RALGAPA2: variants seen among roughly 807,000 people sequenced by gnomAD.
The protein encoded by RALGAPA2 is Ral GTPase activating protein catalytic subunit alpha 2, also known as ral GTPase-activating protein subunit alpha-2.
In RALGAPA2, 139 loss-of-function variants were observed where a neutral mutation model predicts 230.4. That is an observed-to-expected ratio of 0.60 (90% CI 0.53 to 0.69). The LOEUF (loss-of-function observed/expected upper bound fraction) is 0.69, where lower values mean the gene tolerates loss of function less well. RALGAPA2 is among the 30% of genes least tolerant of loss of function. RALGAPA2 has a pLI of 0.00. For synonymous variants in RALGAPA2, 847 were observed against 837.8 expected, an observed-to-expected ratio of 1.01 and a Z score of -0.19; for missense variants, 2,163 against 2,276.0, an observed-to-expected ratio of 0.95 and a Z score of 1.01.
intron 4 of RALGAPA2, among the ~76,000 whole-genome samples, chr20:20,649,364 G>A (rs1359386345): frequency 1.3e-5 from 2 of 152,198 alleles, no homozygotes; most frequent in Non-Finnish European, 2.9e-5. Context: ...ACTGGTCAGA[G>A]GCTATGTTCA....
chr20:20,449,586 C>A (rs1455052395), intron 37 of RALGAPA2, among the ~76,000 whole-genome samples: 1 of 152,184 alleles, frequency 6.6e-6, no homozygotes, highest in Non-Finnish European at 1.5e-5. Flanking sequence ...ATTTTTCAAT[C>A]ATACTTTCCC....
chr20:20,654,572 C>T (rs1299772118), intron 3 of RALGAPA2, among the ~76,000 whole-genome samples: 3 of 152,234 alleles, frequency 2.0e-5, no homozygotes, highest in Non-Finnish European at 4.4e-5. Context: ...CAAATCACAG[C>T]ATTTCCTTTT....
At position 20,389,872 on chromosome 20, in the gene RALGAPA2, A is replaced by C. The variant is rs1161897342; in HGVS notation, c.*3417T>G. ...GACAGCAAAATAAGAATCAAATGACACGCTATAACTTAATTTACCATATTT... is the reference window on the plus strand; with the variant it reads ...GACAGCAAAATAAGAATCAAATGACCCGCTATAACTTAATTTACCATATTT... On this transcript the variant is annotated 3_prime_UTR_variant, in exon 40 of 40. Coordinates refer to ENST00000202677, the MANE Select transcript of RALGAPA2 (RefSeq NM_020343.4). The C allele has an allele frequency of 6.6e-6, 1 of 151,760 alleles. No individual in the cohort carries two copies. Among genetic ancestry groups the C allele is most frequent in the Non-Finnish European group, 1.5e-5 (1 of 67,930 alleles). 9.4% of individuals were successfully genotyped at this position (151,760 alleles called of 1,614,324 possible).
intron 36 of RALGAPA2, among the ~76,000 whole-genome samples, chr20:20,481,504 C>G (rs1051502691): frequency 3.3e-5 from 5 of 152,160 alleles, no homozygotes; most frequent in Non-Finnish European, 7.3e-5. Context: ...ATTCATTCTG[C>G]TAAAAAACTG....
intron 1 of RALGAPA2, among the ~76,000 whole-genome samples, chr20:20,704,992 C>T (rs1172286352): frequency 2.0e-5 from 3 of 152,236 alleles, no homozygotes; most frequent in African/African-American, 4.8e-5. Context: ...CTCCAGGAGG[C>T]TTTGCTGCTG....
intron 23 of RALGAPA2, among the ~76,000 whole-genome samples, chr20:20,561,618 C>T (rs959979077): frequency 2.0e-5 from 3 of 152,186 alleles, no homozygotes; most frequent in African/African-American, 7.2e-5. Context: ...TTTTTGAAAA[C>T]TCATTTAACT....
At chr20:20,459,233 A>G (rs915463967) in intron 37 of RALGAPA2, among the ~76,000 whole-genome samples, 1 of 152,150 alleles carries the variant, frequency 6.6e-6, no homozygotes, top group Admixed American at 6.6e-5. Flanking sequence ...ATATCCTAAT[A>G]AAAGCAAAAC....
chr20:20,589,605 G>A (rs1182682740), intron 17 of RALGAPA2, among the ~76,000 whole-genome samples: 4 of 152,018 alleles, frequency 2.6e-5, no homozygotes, highest in African/African-American at 9.7e-5. Context: ...GTGGCCAACA[G>A]GTTCACTTAG....
intron 1 of RALGAPA2, among the ~76,000 whole-genome samples, chr20:20,710,301 C>T (rs2069799848): frequency 6.6e-6 from 1 of 152,180 alleles, no homozygotes; most frequent in Non-Finnish European, 1.5e-5. Context: ...TCCTAACTTT[C>T]AGTTCAAGAG....
chr20:20,567,358 G>A (rs1232851016), intron 23 of RALGAPA2, among the ~76,000 whole-genome samples: 2 of 152,146 alleles, frequency 1.3e-5, no homozygotes, highest in Admixed American at 1.3e-4. Context: ...TTAAGTGTTA[G>A]GAAAAACTGA....
intron 13 of RALGAPA2, among the ~76,000 whole-genome samples, chr20:20,615,127 G>T (rs6035662): frequency 6.6e-6 from 1 of 151,752 alleles, no homozygotes; most frequent in African/African-American, 2.4e-5. Flanking sequence ...CTGAGCATCA[G>T]TGAAAATACC....
At chr20:20,527,446 T>C (rs2063239919) in intron 27 of RALGAPA2, among the ~76,000 whole-genome samples, 2 of 152,150 alleles carry the variant, frequency 1.3e-5, no homozygotes, top group Admixed American at 6.6e-5. Flanking sequence ...TCAAACACTC[T>C]GGCTTGCTTC....
intron 1 of RALGAPA2, among the ~76,000 whole-genome samples, chr20:20,694,140 C>G (rs2069019279): frequency 6.7e-6 from 1 of 148,474 alleles, no homozygotes; most frequent in African/African-American, 2.5e-5. Flanking sequence ...GATACCGTAA[C>G]TTTAAAAAAA....
intron 3 of RALGAPA2, among the ~76,000 whole-genome samples, chr20:20,675,972 ATG>A (rs2068308888): frequency 6.6e-6 from 1 of 152,154 alleles, no homozygotes; most frequent in Non-Finnish European, 1.5e-5. Flanking sequence ...ACTATTTAAG[ATG>A]TGTGTACTCC....
chr20:20,659,641 C>T, intron 3 of RALGAPA2: 2 of 293,078 alleles, frequency 6.8e-6, no homozygotes, highest in South Asian at 7.8e-5. Flanking sequence ...CCTAAAACAA[C>T]TAACATAAGA....
intron 23 of RALGAPA2, among the ~76,000 whole-genome samples, chr20:20,559,524 C>A (rs2064190679): frequency 6.6e-6 from 1 of 152,210 alleles, no homozygotes; most frequent in Non-Finnish European, 1.5e-5. Context: ...ACATACAAAT[C>A]TCACCATGGC....
chr20:20,517,799 AG>A (rs1168402012), intron 31 of RALGAPA2, among the ~76,000 whole-genome samples: 4 of 151,666 alleles, frequency 2.6e-5, no homozygotes, highest in Non-Finnish European at 5.9e-5. Context: ...CATCTTGAAG[AG>A]GGGGAAAAAA....
At chr20:20,533,213 G>A (rs540628212) in intron 26 of RALGAPA2, among the ~76,000 whole-genome samples, 74 of 151,756 alleles carry the variant, frequency 4.9e-4, no homozygotes, top group African/African-American at 1.7e-3. Flanking sequence ...TATAACAAAC[G>A]AAAATGAATC....
intron 37 of RALGAPA2, among the ~76,000 whole-genome samples, chr20:20,451,347 G>C (rs6082000): frequency 0.076 from 11,576 of 152,132 alleles, 713 homozygotes; most frequent in East Asian, 0.16. Context: ...AATTCTGAGT[G>C]TCTAGCCTGC....
Sources: gnomAD v4.1 joint callset for allele counts (sites outside exome capture counted in the v4.1 genomes callset) on GRCh38, gnomAD v4.1.1 for gene constraint, MANE v1.5 for transcripts, NCBI Gene and HGNC (gene_info 2026-07-23, HGNC 2026-07-21) for gene names.